Variants in DZIP1L observed in about 807,000 individuals in gnomAD.
The protein encoded by DZIP1L is cilium assembly protein DZIP1L.
Under a neutral mutation model 88.7 loss-of-function variants are expected in DZIP1L, and 90 were observed. The observed-to-expected ratio is 1.02, with a 90% CI of 0.86 to 1.21. The LOEUF is 1.21. Among genes scored for constraint, DZIP1L ranks in the 50% most tolerant of loss-of-function variants. The pLI, the probability that DZIP1L is intolerant of heterozygous loss-of-function variation, is 0.00. For synonymous variants in DZIP1L, 363 were observed against 372.1 expected (o/e 0.98, Z 0.28); for missense variants, 932 against 955.8 (o/e 0.98, Z 0.33).
intron 3 of DZIP1L, 106 bp from the exon 4 acceptor site, chr3:138,095,089 G>A (rs558694458): frequency 2.7e-5 from 42 of 1,536,862 alleles, no homozygotes; most frequent in African/African-American, 1.5e-4. Context: ...AACCAGCTTC[G>A]CTACTTAGTA....
chr3:138,106,730 G>T (rs889656020), intron 1 of DZIP1L, among the ~76,000 whole-genome samples: 1 of 152,080 alleles, frequency 6.6e-6, no homozygotes, highest in African/African-American at 2.4e-5. Flanking sequence ...TACTCGGGAG[G>T]CTGAGGCAGG....
rs779242840 is a variant in DZIP1L, at chr3:138,080,538, GAC to G, written c.1288+27_1288+28del. Reference sequence around the variant, plus strand: ...GGGCAGCAAATCTGTTTCTGCACTGGACACCCAGGAAAGAAAGTAAGGTCCCA... The same window carrying G: ...GGGCAGCAAATCTGTTTCTGCACTGGACCCAGGAAAGAAAGTAAGGTCCCA... On this transcript the variant is annotated intron_variant, in intron 10 of 15. Coordinates refer to ENST00000327532, the MANE Select transcript of DZIP1L (RefSeq NM_173543.3). 7 of 1,612,694 alleles carry G rather than the reference GAC, an allele frequency of 4.3e-6. No individual in the cohort carries two copies. In the Admixed American group the frequency reaches 1.2e-4, roughly 27 times the overall value.
chr3:138,081,219 C>T (rs184719004), intron 9 of DZIP1L, among the ~76,000 whole-genome samples: 1 of 152,118 alleles, frequency 6.6e-6, no homozygotes, highest in African/African-American at 2.4e-5. Context: ...CAGGAGCAGT[C>T]CCCTGTGGGT....
At chr3:138,073,119 A>T (rs564960976) in intron 11 of DZIP1L, among the ~76,000 whole-genome samples, 1 of 152,186 alleles carries the variant, frequency 6.6e-6, no homozygotes, top group Admixed American at 6.5e-5. Context: ...ATAATCCCTT[A>T]GGAGCTGTAT....
At chr3:138,067,415 G>T in intron 14 of DZIP1L, 116 bp downstream of exon 14, 2 of 1,217,444 alleles carry the variant, frequency 1.6e-6, no homozygotes, top group Non-Finnish European at 2.2e-6. Context: ...AGAAAGAGAT[G>T]TCAAATAAGA....
At position 138,080,511 on chromosome 3, in the gene DZIP1L, G is replaced by A. The variant is rs892137212; in HGVS notation, c.1288+56C>T. 1.5e-5 allele frequency: 23 copies of A among 1,580,988 alleles called. No individual in the cohort carries two copies. The African/African-American group carries it at 2.4e-4, about 17-fold the overall frequency. On this transcript the variant is annotated intron_variant, in intron 10 of 15. Coordinates refer to ENST00000327532, the MANE Select transcript of DZIP1L (RefSeq NM_173543.3). ...AAGTAGAGACAAACTAAACAAGGAG[G>A]AGGGCAGCAAATCTGTTTCTGCACT...
At chr3:138,102,517 C>A in intron 2 of DZIP1L, 1 of 1,348,368 alleles carries the variant, frequency 7.4e-7, no homozygotes, top group Non-Finnish European at 1.1e-6. Context: ...TCCATGTTAA[C>A]TCTGAGCCGT....
chr3:138,093,964 T>C (rs1419169272), intron 4 of DZIP1L, among the ~76,000 whole-genome samples: 1 of 152,254 alleles, frequency 6.6e-6, no homozygotes, highest in Non-Finnish European at 1.5e-5. Context: ...TTCCTTCAAA[T>C]TTCCTTTGTA....
intron 8 of DZIP1L, 148 bp from the exon 9 acceptor site, chr3:138,081,912 C>G: frequency 1.6e-6 from 1 of 621,356 alleles, no homozygotes; most frequent in Non-Finnish European, 2.6e-6. Context: ...TCAGATGCAC[C>G]ACCCCAGCCC....
In DZIP1L at chr3:138,077,508, C is replaced by A. The variant is rs554172799; in HGVS notation, c.1413G>T (p.Gly471=). 17 of 1,614,156 alleles carry A rather than the reference C, an allele frequency of 1.1e-5. No homozygotes were observed. The highest frequency in any genetic ancestry group is 1.4e-5 in the Non-Finnish European group (16 of 1,180,014). Reference sequence around the variant, plus strand: ...TGGCCCTGAAACTCACCTTCCTTATCCCCATGCTTTCGAGCTTCTCTTCCA... The same window carrying A: ...TGGCCCTGAAACTCACCTTCCTTATACCCATGCTTTCGAGCTTCTCTTCCA... ...DTLEEKLESM[G]IRKDAKGISI... is the part of the protein sequence containing the mutation. The change falls in exon 11 of 16, where the codon GGG becomes GGT. Residue 471 remains glycine, a synonymous_variant. Coordinates refer to ENST00000327532, the MANE Select transcript of DZIP1L (RefSeq NM_173543.3).
At chr3:138,111,598 G>A (rs935153427) in intron 1 of DZIP1L, among the ~76,000 whole-genome samples, 4 of 152,166 alleles carry the variant, frequency 2.6e-5, no homozygotes, top group African/African-American at 4.8e-5. Flanking sequence ...AGAATTAGGG[G>A]TCTGAGTTCA....
Position 138,062,604 on chromosome 3 carries a change from G to A in DZIP1L, c.*212C>T, listed in dbSNP as rs1200457922. 3 of 525,876 alleles carry A rather than the reference G, an allele frequency of 5.7e-6. No homozygotes were observed. In the Admixed American group the frequency reaches 9.2e-5, roughly 16 times the overall value. 32.6% of individuals were successfully genotyped at this position (525,876 alleles called of 1,614,324 possible). On this transcript the variant is annotated 3_prime_UTR_variant, in exon 16 of 16. Transcript: ENST00000327532. ...CTTTCTCAAGCCTGGGGACCTAGGG[G>A]CTCCTAGTCAGGCACCTGTGGCCAT...
intron 3 of DZIP1L, among the ~76,000 whole-genome samples, chr3:138,096,312 A>G (rs1308650623): frequency 6.6e-6 from 1 of 152,242 alleles, no homozygotes; most frequent in Non-Finnish European, 1.5e-5. Context: ...AAAGATCTAC[A>G]TGCAAGAATA....
chr3:138,093,419 A>C (rs565500633), intron 4 of DZIP1L, among the ~76,000 whole-genome samples: 2 of 152,350 alleles, frequency 1.3e-5, no homozygotes, highest in East Asian at 1.9e-4. Context: ...CATAATTCTT[A>C]AGGGCCCTAG....
At chr3:138,072,803 T>C (rs757096961) in intron 11 of DZIP1L, among the ~76,000 whole-genome samples, 4 of 152,098 alleles carry the variant, frequency 2.6e-5, no homozygotes, top group Non-Finnish European at 5.9e-5. Context: ...TGCTTGGAAA[T>C]AGACTTGCTC....
rs1174951508 is a variant in DZIP1L, at chr3:138,077,510, C to T, written c.1411G>A (p.Gly471Arg). Residue 471 changes from glycine (G) to arginine (R), a missense_variant, in exon 11 of 16, where the codon GGG becomes AGG. Coordinates refer to ENST00000327532, the MANE Select transcript of DZIP1L (RefSeq NM_173543.3). ...GCCCTGAAACTCACCTTCCTTATCC[C>T]CATGCTTTCGAGCTTCTCTTCCAGG... ...DTLEEKLESM[G>R]IRKDAKGISI... 6.2e-7 allele frequency: 1 copy of T among 1,614,180 alleles called. No individual in the cohort carries two copies. Among genetic ancestry groups the T allele is most frequent in the South Asian group, 1.1e-5 (1 of 91,084 alleles).
At chr3:138,106,473 C>T (rs1464410610) in intron 1 of DZIP1L, among the ~76,000 whole-genome samples, 1 of 151,612 alleles carries the variant, frequency 6.6e-6, no homozygotes, top group Non-Finnish European at 1.5e-5. Flanking sequence ...ATAGAAAGTG[C>T]ACTTTAAAAA....
chr3:138,094,823 A>G, intron 4 of DZIP1L, 39 bp downstream of exon 4: 6 of 1,613,176 alleles, frequency 3.7e-6, no homozygotes, highest in Non-Finnish European at 5.1e-6. Flanking sequence ...TGGGTAGTCC[A>G]TGACCCAAGT....
intron 2 of DZIP1L, chr3:138,102,273 T>G: frequency 6.9e-7 from 1 of 1,447,622 alleles, no homozygotes; most frequent in Non-Finnish European, 9.7e-7. Context: ...AGTCAGCCCT[T>G]CCAGGCGAGA....
Sources: allele counts gnomAD v4.1 joint callset (sites outside exome capture counted in the v4.1 genomes callset), GRCh38; gene constraint gnomAD v4.1.1; transcripts MANE v1.5; gene names NCBI Gene and HGNC (gene_info 2026-07-23, HGNC 2026-07-21).